ZFP1: variants seen among roughly 807,000 people sequenced by gnomAD.
The protein encoded by ZFP1 is ZFP1 zinc finger protein.
A neutral mutation model predicts 38.5 loss-of-function variants in ZFP1; 32 were observed. The ratio of observed to expected loss-of-function variants is 0.83; its 90% CI spans 0.63 to 1.12. ZFP1 has a LOEUF of 1.12. Among genes scored for constraint, ZFP1 ranks in the 50% most tolerant of loss-of-function variants. The pLI is 0.00. For synonymous variants in ZFP1, 245 were observed against 168.8 expected (o/e 1.45, Z -3.50); for missense variants, 616 against 480.8 (o/e 1.28, Z -2.63).
chr16:75,153,715 A>C (rs2037325934), intron 2 of ZFP1, among the ~76,000 whole-genome samples: 1 of 152,142 alleles, frequency 6.6e-6, no homozygotes, highest in Non-Finnish European at 1.5e-5. Flanking sequence ...TAAAGACCAT[A>C]GTTTACAGTA....
upstream of ZFP1, among the ~76,000 whole-genome samples, chr16:75,143,617 A>G (rs1018655858): frequency 2.7e-5 from 4 of 147,612 alleles, no homozygotes; most frequent in African/African-American, 1.0e-4. Context: ...GGGGTCTCCA[A>G]GCCCTTTTCT....
chr16:75,124,017 C>T, the ZFP1 span, among the ~76,000 whole-genome samples: 3 of 151,630 alleles, frequency 2.0e-5, no homozygotes, highest in Non-Finnish European at 2.9e-5. Flanking sequence ...TCACTTGAAC[C>T]CAGGAAGCAG....
At chr16:75,163,865 C>G (rs375119605) in intron 2 of ZFP1, among the ~76,000 whole-genome samples, 2 of 152,198 alleles carry the variant, frequency 1.3e-5, no homozygotes, top group East Asian at 3.8e-4. Flanking sequence ...CCTGCGTCAT[C>G]CTCCCAAATG....
In ZFP1 at chr16:75,169,839, G is replaced by A. The variant is rs753659921; in HGVS notation, c.729G>A (p.Pro243=). Residue 243 remains proline, a synonymous_variant, in exon 4 of 4, where the codon CCG becomes CCA. Coordinates refer to ENST00000570010, the MANE Select transcript of ZFP1 (RefSeq NM_153688.4). ...CTGGGGAGAAACCTTTCGAGTGTCC[G>A]GAATGTGGAAAAGCTTTCACCCACC... The part of the protein sequence containing the change: ...IHTGEKPFEC[P]ECGKAFTHQS... 3.3e-5 allele frequency: 53 copies of A among 1,614,028 alleles called. No homozygotes were observed. Among genetic ancestry groups the A allele is most frequent in the Middle Eastern group, 1.6e-4 (1 of 6,062 alleles).
At position 75,169,484 on chromosome 16, in the gene ZFP1, G is replaced by A. The variant is rs1480166611; in HGVS notation, c.374G>A (p.Ser125Asn). 6.2e-7 allele frequency: 1 copy of A among 1,612,838 alleles called. No individual in the cohort carries two copies. Among genetic ancestry groups the A allele is most frequent in the African/African-American group, 1.3e-5 (1 of 74,862 alleles). The change falls in exon 4 of 4, where the codon AGC (serine) becomes AAC (asparagine). Residue 125 changes from serine (S) to asparagine (N), a missense_variant. By Grantham distance (46) the Ser-to-Asn change is conservative. Transcript: ENST00000570010. ...TCAGACTTGCTTAATAGTAATAGAA[G>A]CTATGCAGGAAAGCAGACTGATGAG... ...YNSDLLNSNR[S>N]YAGKQTDECN...
intron 2 of ZFP1, among the ~76,000 whole-genome samples, chr16:75,157,558 G>T (rs1279103859): frequency 6.6e-6 from 1 of 151,842 alleles, no homozygotes; most frequent in African/African-American, 2.4e-5. Context: ...TTCTGTTCTG[G>T]TATTTGATTG....
intron 3 of ZFP1, among the ~76,000 whole-genome samples, chr16:75,168,394 C>T (rs1232125806): frequency 6.6e-6 from 1 of 151,954 alleles, no homozygotes; most frequent in Non-Finnish European, 1.5e-5. Context: ...TGAGAGTATC[C>T]CTTGAGCCCA....
At chr16:75,154,372 GT>G (rs2037365728) in intron 2 of ZFP1, among the ~76,000 whole-genome samples, 1 of 152,158 alleles carries the variant, frequency 6.6e-6, no homozygotes, top group Admixed American at 6.6e-5. Flanking sequence ...TGGCTTCTAA[GT>G]TTTGGCAATT....
chr16:75,145,049 A>C (rs539512275), upstream of ZFP1, among the ~76,000 whole-genome samples: 3 of 152,352 alleles, frequency 2.0e-5, no homozygotes, highest in East Asian at 5.8e-4. Flanking sequence ...AGCGTGTACC[A>C]GAACGTCATT....
the ZFP1 span, among the ~76,000 whole-genome samples, chr16:75,137,796 G>C: frequency 5.6e-4 from 85 of 152,044 alleles, no homozygotes; most frequent in African/African-American, 2.0e-3. Flanking sequence ...GCTGCATGCA[G>C]TGAGGCTTAG....
chr16:75,127,523 G>A, the ZFP1 span, among the ~76,000 whole-genome samples: 1 of 152,144 alleles, frequency 6.6e-6, no homozygotes, highest in African/African-American at 2.4e-5. Context: ...GTTTCGCCAT[G>A]TTGGCCAGGC....
chr16:75,163,158 C>T (rs911741547), intron 2 of ZFP1, among the ~76,000 whole-genome samples: 5 of 151,964 alleles, frequency 3.3e-5, no homozygotes, highest in Admixed American at 2.0e-4. Flanking sequence ...CCACCTGCCT[C>T]GGCCTCCCAA....
upstream of ZFP1, chr16:75,148,442 T>A (rs1018571544): frequency 6.6e-6 from 1 of 152,260 alleles, no homozygotes; most frequent in Non-Finnish European, 1.5e-5. Flanking sequence ...CGAACGTGGA[T>A]GGTCCACCCC....
At chr16:75,146,960 A>T (rs893319611), upstream of ZFP1, among the ~76,000 whole-genome samples, 1 of 119,496 alleles carries the variant, frequency 8.4e-6, no homozygotes, top group African/African-American at 2.8e-5. Flanking sequence ...AAAAAAAAAA[A>T]AAGCCAGGGT....
intron 2 of ZFP1, among the ~76,000 whole-genome samples, chr16:75,155,200 G>A (rs535122390): frequency 2.0e-5 from 3 of 152,286 alleles, no homozygotes; most frequent in South Asian, 4.1e-4. Flanking sequence ...ATGTGAACAC[G>A]GTTTACTGCA....
In ZFP1 at chr16:75,161,424, C is replaced by T. The variant is rs558832416; in HGVS notation, c.16-5346C>T. On this transcript the variant is annotated intron_variant, in intron 2 of 3. Transcript: ENST00000570010. ...GTTCTGTGCCATGGTTCAGCATGAT[C>T]GTAAATGTGTGGCTCTCCTCATAGA... Among the ~76,000 whole-genome samples, 12 of 151,688 alleles carry T rather than the reference C, an allele frequency of 7.9e-5. 1 individual carries two copies. The highest frequency in any genetic ancestry group is 2.9e-4 in the African/African-American group (12 of 41,358).
chr16:75,135,113 C>T, the ZFP1 span, among the ~76,000 whole-genome samples: 2 of 143,642 alleles, frequency 1.4e-5, no homozygotes, highest in African/African-American at 5.2e-5. Flanking sequence ...AGAAGGCTGA[C>T]GTAGAAGGAT....
chr16:75,169,444 A>G lies in ZFP1; in HGVS notation c.334A>G (p.Thr112Ala). Reference protein sequence around the residue: ...VPYKYDLYEKTLKYNSDLLNS... With the variant: ...VPYKYDLYEKALKYNSDLLNS... ...TTATAAATATGACTTATATGAAAAA[A>G]CTTTGAAATATAATTCAGACTTGCT... The change falls in exon 4 of 4, where the codon ACT (threonine) becomes GCT (alanine). Residue 112 changes from threonine to alanine, a missense_variant. By Grantham distance (58) the Thr-to-Ala change is moderately conservative. Coordinates refer to ENST00000570010, the MANE Select transcript of ZFP1 (RefSeq NM_153688.4). The G allele has an allele frequency of 6.2e-7, 1 of 1,612,816 alleles. No individual in the cohort carries two copies. Among genetic ancestry groups the G allele is most frequent in the Non-Finnish European group, 8.5e-7 (1 of 1,179,714 alleles).
chr16:75,131,885 A>G, the ZFP1 span, among the ~76,000 whole-genome samples: 1 of 151,936 alleles, frequency 6.6e-6, no homozygotes, highest in Non-Finnish European at 1.5e-5. Context: ...GGATCGCTTG[A>G]ACCCAGGAGG....
Sources: gnomAD v4.1 joint callset for allele counts (sites outside exome capture counted in the v4.1 genomes callset) on GRCh38, gnomAD v4.1.1 for gene constraint, MANE v1.5 for transcripts, NCBI Gene and HGNC (gene_info 2026-07-23, HGNC 2026-07-21) for gene names.